The following ARID1B variants were observed in gnomAD, a reference collection of about 807,000 sequenced individuals.
ARID1B encodes AT-rich interactive domain-containing protein 1B.
Under a neutral mutation model 212.3 loss-of-function variants are expected in ARID1B, and 30 were observed. The observed-to-expected ratio is 0.14, with a 90% CI of 0.11 to 0.19. The LOEUF (loss-of-function observed/expected upper bound fraction) is 0.19, where lower values mean the gene tolerates loss of function less well. Ranked by LOEUF, ARID1B falls within the 10% of genes least tolerant of loss-of-function variation. The probability of loss-of-function intolerance (pLI) is 1.00; values close to 1 mark genes in which losing one functional copy is unlikely to be tolerated. For missense variants in ARID1B, 2,891 were observed against 3,204.0 expected, an observed-to-expected ratio of 0.90 and a Z score of 2.36; for synonymous variants, 1,402 against 1,301.7, an observed-to-expected ratio of 1.08 and a Z score of -1.66.
At chr6:156,909,123 C>CT (rs60183999) in intron 3 of ARID1B, among the ~76,000 whole-genome samples, 24,350 of 108,886 alleles carry the variant, frequency 0.22, 3,802 homozygotes, top group African/African-American at 0.31. Flanking sequence ...TTTTCTTTCT[C>CT]TTTTTTTTTT....
intron 1 of ARID1B, among the ~76,000 whole-genome samples, chr6:156,779,994 A>AAC: frequency 6.6e-6 from 1 of 152,254 alleles, no homozygotes; most frequent in Non-Finnish European, 1.5e-5. Context: ...CAGGGAAAAT[A>AAC]GGTTAGCTTT....
At position 157,190,122 on chromosome 6, in the gene ARID1B, C is replaced by G; in HGVS notation, c.4143C>G (p.Ala1381=). 1 of 1,614,200 alleles carries G rather than the reference C, an allele frequency of 6.2e-7. No individual in the cohort carries two copies. Among genetic ancestry groups the G allele is most frequent in the Non-Finnish European group, 8.5e-7 (1 of 1,180,048 alleles). ...AACGGAACTCCATGACTCCAAACGC[C>G]CCCTACCAGCAGGGCATGAGCATGC... ...FPKRNSMTPN[A]PYQQGMSMPD... Residue 1381 remains alanine, a synonymous_variant, in exon 15 of 20, where the codon GCC becomes GCG. Coordinates refer to ENST00000636930, the MANE Select transcript of ARID1B (RefSeq NM_001374828.1). The surrounding 1 kb of genome is among the most constrained non-coding windows in gnomAD (Gnocchi z 4.6).
intron 4 of ARID1B, among the ~76,000 whole-genome samples, chr6:156,971,320 C>A (rs1298832390): frequency 1.3e-5 from 2 of 152,154 alleles, no homozygotes; most frequent in Non-Finnish European, 2.9e-5. Context: ...CAGCATAGTG[C>A]CTTAATCAAT....
intron 4 of ARID1B, among the ~76,000 whole-genome samples, chr6:157,016,563 C>T (rs1223888627): frequency 6.6e-6 from 1 of 152,100 alleles, no homozygotes; most frequent in Non-Finnish European, 1.5e-5. Context: ...GTGGAGCTTC[C>T]TCCTACATCC....
At chr6:156,781,906 C>A (rs1169381791) in intron 1 of ARID1B, among the ~76,000 whole-genome samples, 1 of 139,782 alleles carries the variant, frequency 7.2e-6, no homozygotes, top group Non-Finnish European at 1.5e-5. Flanking sequence ...TGGTACCAAT[C>A]ATTTTCAGTA....
At chr6:157,039,613 C>T (rs916919127) in intron 4 of ARID1B, among the ~76,000 whole-genome samples, 14 of 144,500 alleles carry the variant, frequency 9.7e-5, no homozygotes, top group Non-Finnish European at 2.0e-4. Flanking sequence ...CCAAAAGCTA[C>T]CTACCTTCCT....
At position 157,033,669 on chromosome 6, in the gene ARID1B, G is replaced by C. The variant is rs554625939; in HGVS notation, c.2248-50993G>C. ...ATTGGGAAAGAGATGTCAATTGAAG[G>C]TTTTTGTGCTTTAGGAGAGTGAGGA... On this transcript the variant is annotated intron_variant, in intron 4 of 19. Coordinates refer to ENST00000636930, the MANE Select transcript of ARID1B (RefSeq NM_001374828.1). Among the ~76,000 whole-genome samples, 4 of 152,266 alleles carry C rather than the reference G, an allele frequency of 2.6e-5. No homozygotes were observed. The South Asian group carries it at 8.3e-4, about 32-fold the overall frequency.
At chr6:157,033,118 C>G (rs143597935) in intron 4 of ARID1B, among the ~76,000 whole-genome samples, 17 of 152,258 alleles carry the variant, frequency 1.1e-4, no homozygotes, top group African/African-American at 3.9e-4. Flanking sequence ...TTAATACTTG[C>G]GTAATCATAT....
At chr6:156,830,919 A>G (rs1407235431) in intron 2 of ARID1B, among the ~76,000 whole-genome samples, 1 of 152,160 alleles carries the variant, frequency 6.6e-6, no homozygotes, top group Admixed American at 6.5e-5. Flanking sequence ...TGCAGATTGA[A>G]CACCCTTTGC....
intron 8 of ARID1B, among the ~76,000 whole-genome samples, chr6:157,153,670 G>T (rs940393552): frequency 6.6e-6 from 1 of 152,162 alleles, no homozygotes; most frequent in Non-Finnish European, 1.5e-5. Flanking sequence ...AAAGAGCATA[G>T]CTGTGGATCC....
At position 157,190,068 on chromosome 6, in the gene ARID1B, C is replaced by G; in HGVS notation, c.4089C>G (p.Phe1363Leu). The change falls in exon 15 of 20, where the codon TTC becomes TTG. Residue 1363 changes from phenylalanine to leucine, a missense_variant. Phe to Leu is a conservative substitution (Grantham distance 22). Transcript: ENST00000636930. The surrounding 1 kb of genome is among the most constrained non-coding windows in gnomAD (Gnocchi z 4.6). ...GTACAATCAGTGTGCACGACCCATT[C>G]TCAGATGTGAGTGATTCATCCTTCC... ...RSSTISVHDPFSDVSDSSFPK... is the reference protein window; with the variant it reads ...RSSTISVHDPLSDVSDSSFPK... 6.2e-7 allele frequency: 1 copy of G among 1,614,218 alleles called. No individual in the cohort carries two copies. Among genetic ancestry groups the G allele is most frequent in the Non-Finnish European group, 8.5e-7 (1 of 1,180,032 alleles).
Position 156,863,888 on chromosome 6 carries a change from T to C in ARID1B, c.1986+34467T>C, listed in dbSNP as rs115933617. Among the ~76,000 whole-genome samples, 392 of 152,250 alleles carry C rather than the reference T, an allele frequency of 2.6e-3. 2 individuals are homozygous for C. The highest frequency in any genetic ancestry group is 8.6e-3 in the African/African-American group (358 of 41,540). On this transcript the variant is annotated intron_variant, in intron 2 of 19. Coordinates refer to ENST00000636930, the MANE Select transcript of ARID1B (RefSeq NM_001374828.1). ...TCCTTGGCAAAATCCATGTGCAAAA[T>C]TGGATGTGTGGAGTGTGGAGAGGGA...
chr6:157,076,823 A>G lies in ARID1B; in HGVS notation c.2248-7839A>G, dbSNP rs754540169. Among the ~76,000 whole-genome samples the G allele has an allele frequency of 3.9e-5, 6 of 152,312 alleles. No individual in the cohort carries two copies. In the South Asian group the frequency reaches 1.2e-3, roughly 32 times the overall value. On this transcript the variant is annotated intron_variant, in intron 4 of 19. Coordinates refer to ENST00000636930, the MANE Select transcript of ARID1B (RefSeq NM_001374828.1). ...ATTTATAGGTTCCTACCTGGCAATG[A>G]TGTTTGGGAAGCACCAACCCATAAA...
chr6:156,846,146 A>C (rs1784213263), intron 2 of ARID1B, among the ~76,000 whole-genome samples: 1 of 103,520 alleles, frequency 9.7e-6, no homozygotes. Context: ...GTTGGAGGCT[A>C]TTTTTTTTGT....
chr6:156,874,882 C>CTT (rs1347461856), intron 2 of ARID1B, among the ~76,000 whole-genome samples: 9 of 152,146 alleles, frequency 5.9e-5, no homozygotes, highest in Non-Finnish European at 1.3e-4. Context: ...TGAATCTTGA[C>CTT]TTATGGTAAT....
intron 4 of ARID1B, among the ~76,000 whole-genome samples, chr6:157,006,532 ATAAC>A (rs767087788): frequency 4.6e-5 from 7 of 152,214 alleles, no homozygotes; most frequent in Non-Finnish European, 2.9e-5. Context: ...AACGTTTTTA[ATAAC>A]TAACCTAGTT....
intron 4 of ARID1B, among the ~76,000 whole-genome samples, chr6:157,030,759 T>G (rs2128494016): frequency 6.6e-6 from 1 of 152,358 alleles, no homozygotes; most frequent in South Asian, 2.1e-4. Flanking sequence ...AAATTGTGTC[T>G]TAGAGTACTA....
intron 4 of ARID1B, among the ~76,000 whole-genome samples, chr6:157,002,840 A>G (rs1778982726): frequency 1.3e-5 from 2 of 152,220 alleles, no homozygotes; most frequent in South Asian, 4.1e-4. Flanking sequence ...GATAGACAGG[A>G]TTATGTAGAA....
intron 5 of ARID1B, among the ~76,000 whole-genome samples, chr6:157,101,942 AT>A (rs1434028694): frequency 5.9e-5 from 9 of 152,222 alleles, no homozygotes; most frequent in Admixed American, 3.9e-4. Context: ...AGCTGTAATG[AT>A]GTGAAAGGAA....
Sources: allele counts gnomAD v4.1 joint callset (sites outside exome capture counted in the v4.1 genomes callset), GRCh38; gene constraint gnomAD v4.1.1; non-coding constraint Gnocchi (gnomAD v3.1); transcripts MANE v1.5; gene names NCBI Gene and HGNC (gene_info 2026-07-23, HGNC 2026-07-21).